Variants in NHS observed in about 807,000 individuals in gnomAD.
NHS encodes actin remodeling regulator NHS.
Under a neutral mutation model 72.5 loss-of-function variants are expected in NHS, and 5 were observed. That is an observed-to-expected ratio of 0.07 (90% CI 0.04 to 0.14). The LOEUF (loss-of-function observed/expected upper bound fraction) is 0.14, where lower values mean the gene tolerates loss of function less well. NHS is among the 10% of genes least tolerant of loss of function. The pLI, the probability that NHS is intolerant of heterozygous loss-of-function variation, is 1.00. For synonymous variants in NHS, 464 were observed against 547.7 expected (o/e 0.85, Z 2.13); for missense variants, 1,072 against 1,355.7 (o/e 0.79, Z 3.29).
chrX:17,466,612 T>C (rs2064871538), intron 1 of NHS, among the ~76,000 whole-genome samples: 1 of 111,462 alleles, frequency 9.0e-6, no homozygotes, highest in Admixed American at 9.5e-5. Context: ...TGCTGGAGGG[T>C]TGACAAATCT....
At chrX:17,450,663 G>A (rs1323593401) in intron 1 of NHS, among the ~76,000 whole-genome samples, 1 of 112,307 alleles carries the variant, frequency 8.9e-6, no homozygotes, top group Non-Finnish European at 1.9e-5. Context: ...ATCACCTGAG[G>A]TCAGGAGTTC....
In NHS at chrX:17,726,419, G is replaced by A. The variant is rs758417770; in HGVS notation, c.2313G>A (p.Ala771=). The change falls in exon 7 of 9, where the codon GCG becomes GCA. Residue 771 remains alanine (A), a synonymous_variant. Coordinates refer to ENST00000676302, the MANE Select transcript of NHS (RefSeq NM_001291867.2). ...TGGAAAAGTCTCCATCAGACAAAGC[G>A]GACACTAGCTCTCACTTTTCAGTAG... ...SFLEKSPSDK[A]DTSSHFSVDT... is the part of the protein sequence containing the mutation. The A allele has an allele frequency of 1.4e-5, 17 of 1,210,469 alleles. No individual in the cohort carries two copies. The South Asian group carries it at 1.4e-4, about 10-fold the overall frequency.
chrX:17,530,243 G>A (rs1002359654), intron 1 of NHS, among the ~76,000 whole-genome samples: 3 of 111,464 alleles, frequency 2.7e-5, no homozygotes, highest in South Asian at 3.8e-4. Flanking sequence ...CCAGGTCACC[G>A]GATGGGAATG....
intron 3 of NHS, among the ~76,000 whole-genome samples, chrX:17,696,976 T>A (rs1040773828): frequency 2.7e-5 from 3 of 111,549 alleles, no homozygotes; most frequent in African/African-American, 9.8e-5. Flanking sequence ...GAACTAGCAG[T>A]GGGTCCTAAG....
At chrX:17,449,090 C>A (rs1463190175) in intron 1 of NHS, among the ~76,000 whole-genome samples, 1 of 112,816 alleles carries the variant, frequency 8.9e-6, no homozygotes, top group Non-Finnish European at 1.9e-5. Context: ...GAAAGCTAGG[C>A]TTCAGACCCA....
chrX:17,705,091 G>T (rs888779523), intron 3 of NHS, among the ~76,000 whole-genome samples: 1 of 112,072 alleles, frequency 8.9e-6, no homozygotes, highest in African/African-American at 3.2e-5. Context: ...TAGAAATGGA[G>T]AACCAGTGAA....
At position 17,574,950 on chromosome X, in the gene NHS, G is replaced by A. The variant is rs75596330; in HGVS notation, c.566-112792G>A. On this transcript the variant is annotated intron_variant, in intron 1 of 8. Transcript: ENST00000676302. The stretch of plus-strand genomic sequence containing the variant: ...TCCAGTTCCTAGGACCTAGACATGA[G>A]GGTCTGTTTTAACATGATGATATTG... 7.1e-5 allele frequency among the ~76,000 whole-genome samples: 8 copies of A among 111,906 alleles called. No homozygotes were observed. The East Asian group carries it at 2.2e-3, about 31-fold the overall frequency.
At chrX:17,723,962 G>C (rs1294479647) in intron 5 of NHS, among the ~76,000 whole-genome samples, 1 of 111,205 alleles carries the variant, frequency 9.0e-6, no homozygotes, top group Non-Finnish European at 1.9e-5. Context: ...AAATAGATCA[G>C]TAAATAGTAG....
intron 1 of NHS, among the ~76,000 whole-genome samples, chrX:17,439,782 G>A (rs757465651): frequency 8.9e-6 from 1 of 112,309 alleles, no homozygotes; most frequent in South Asian, 3.7e-4. Flanking sequence ...TTCACAGAGT[G>A]TGTTGTGACC....
intron 1 of NHS, among the ~76,000 whole-genome samples, chrX:17,424,122 A>C (rs1406306621): frequency 8.9e-6 from 1 of 112,438 alleles, no homozygotes; most frequent in African/African-American, 3.2e-5. Flanking sequence ...AGATCAAACC[A>C]GGCCACCTTG....
At chrX:17,708,337 A>G (rs1236564849) in intron 3 of NHS, among the ~76,000 whole-genome samples, 2 of 111,745 alleles carry the variant, frequency 1.8e-5, no homozygotes, top group Non-Finnish European at 3.8e-5. Context: ...TGCACGGACC[A>G]TAGACCTCAG....
chrX:17,639,795 A>G (rs951319679), intron 1 of NHS, among the ~76,000 whole-genome samples: 2 of 111,831 alleles, frequency 1.8e-5, no homozygotes, highest in East Asian at 5.6e-4. Context: ...TTCAAACCAT[A>G]GCATCAGGAG....
intron 1 of NHS, among the ~76,000 whole-genome samples, chrX:17,466,398 G>A (rs768741472): frequency 2.7e-5 from 3 of 112,566 alleles, no homozygotes; most frequent in Non-Finnish European, 5.6e-5. Flanking sequence ...GGTAGAATTG[G>A]TATATAACTA....
intron 1 of NHS, among the ~76,000 whole-genome samples, chrX:17,414,004 A>AT (rs891860553): frequency 1.6e-4 from 18 of 110,831 alleles, no homozygotes; most frequent in Admixed American, 3.8e-4. Flanking sequence ...CCTGTTTTTT[A>AT]TTTTTTTTCA....
At chrX:17,585,258 G>T (rs1013719451) in intron 1 of NHS, among the ~76,000 whole-genome samples, 3 of 112,484 alleles carry the variant, frequency 2.7e-5, no homozygotes, top group African/African-American at 9.7e-5. Flanking sequence ...ATCTGTAAAA[G>T]TGAGACAATA....
chrX:17,514,143 A>G (rs749088726), intron 1 of NHS, among the ~76,000 whole-genome samples: 4 of 112,052 alleles, frequency 3.6e-5, no homozygotes, highest in Admixed American at 1.9e-4. Flanking sequence ...ACCTCCCACC[A>G]GGTCCCTCTT....
At chrX:17,451,267 C>T (rs2064804384) in intron 1 of NHS, among the ~76,000 whole-genome samples, 1 of 111,869 alleles carries the variant, frequency 8.9e-6, no homozygotes, top group African/African-American at 3.3e-5. Flanking sequence ...CTGAGCTAGA[C>T]CTTCCTTCCA....
chrX:17,523,513 G>A (rs957058684), intron 1 of NHS, among the ~76,000 whole-genome samples: 3 of 111,970 alleles, frequency 2.7e-5, no homozygotes, highest in African/African-American at 9.7e-5. Flanking sequence ...GGAAACCGAG[G>A]CATAGAGCCG....
Position 17,728,284 on chromosome X carries a change from A to C in NHS, c.4178A>C (p.Lys1393Thr), listed in dbSNP as rs780761689. 1.5e-5 allele frequency: 18 copies of C among 1,211,928 alleles called. No homozygotes were observed. The highest frequency in any genetic ancestry group is 2.2e-5 in the Admixed American group (1 of 46,066). ...ISAKSASDNS[K>T]AEETQGNVDE... ...GCCAAAAGTGCCTCTGATAACAGCAAAGCAGAGGAGACCCAAGGAAATGTG... is the reference window on the plus strand; with the variant it reads ...GCCAAAAGTGCCTCTGATAACAGCACAGCAGAGGAGACCCAAGGAAATGTG... Residue 1393 changes from lysine to threonine, a missense_variant, in exon 7 of 9, where the codon AAA (lysine) becomes ACA (threonine). Coordinates refer to ENST00000676302, the MANE Select transcript of NHS (RefSeq NM_001291867.2).
Sources: gnomAD v4.1 joint callset for allele counts (sites outside exome capture counted in the v4.1 genomes callset) on GRCh38, gnomAD v4.1.1 for gene constraint, MANE v1.5 for transcripts, NCBI Gene and HGNC (gene_info 2026-07-23, HGNC 2026-07-21) for gene names.